VSNL1: variants seen among roughly 807,000 people sequenced by gnomAD.
The protein encoded by VSNL1 is visinin like 1, also known as visinin-like protein 1.
A neutral mutation model predicts 20.4 loss-of-function variants in VSNL1; 6 were observed. The ratio of observed to expected loss-of-function variants is 0.29; its 90% CI spans 0.16 to 0.58. VSNL1 has a LOEUF of 0.58. Ranked by LOEUF, VSNL1 falls within the 20% of genes least tolerant of loss-of-function variation. The pLI is 0.90. For synonymous variants in VSNL1, 93 were observed against 86.4 expected, an observed-to-expected ratio of 1.08 and a Z score of -0.42; for missense variants, 100 against 234.5, an observed-to-expected ratio of 0.43 and a Z score of 3.75.
chr2:17,566,201 T>C lies in VSNL1; in HGVS notation c.-6+25283T>C, dbSNP rs57011509. ...TTAGTTATCTTTTCTTTTTTTGCTA[T>C]TACAAAGTTAGAGTGTACATCTTTT... On this transcript the variant is annotated intron_variant, in intron 1 of 3. Transcript: ENST00000295156. Among the ~76,000 whole-genome samples, 395 of 152,324 alleles carry C rather than the reference T, an allele frequency of 2.6e-3. 1 individual carries two copies. Among genetic ancestry groups the C allele is most frequent in the African/African-American group, 9.2e-3 (382 of 41,584 alleles).
At chr2:17,556,469 C>T (rs1420144976) in intron 1 of VSNL1, among the ~76,000 whole-genome samples, 1 of 151,962 alleles carries the variant, frequency 6.6e-6, no homozygotes, top group African/African-American at 2.4e-5. Flanking sequence ...TAATTCAAAC[C>T]CCTACATCAG....
rs67537461 is a variant in VSNL1, at chr2:17,587,348, A to AACACACAC, written c.-5-4682_-5-4675dup. ...AGTAGGTAAGAGACAGGCTGAGGGCAACACACACACACACACACACACACA... is the reference window on the plus strand; with the variant it reads ...AGTAGGTAAGAGACAGGCTGAGGGCAACACACACACACACACACACACACACACACACA... On this transcript the variant is annotated intron_variant, in intron 1 of 3. Transcript: ENST00000295156. Among the ~76,000 whole-genome samples the AACACACAC allele has an allele frequency of 6.0e-3, 813 of 134,652 alleles. 11 individuals are homozygous for AACACACAC. The highest frequency in any genetic ancestry group is 0.019 in the African/African-American group (674 of 34,916). 88.3% of individuals were successfully genotyped at this position (134,652 alleles called of 152,430 possible). A position where few individuals can be genotyped will look rare whatever the true frequency, so the allele number is the denominator to read the frequency against.
intron 2 of VSNL1, 149 bp downstream of exon 2, chr2:17,592,385 A>C (rs1664610879): frequency 1.2e-6 from 1 of 862,288 alleles, no homozygotes; most frequent in African/African-American, 1.7e-5. Flanking sequence ...TTAACATTTA[A>C]AAATGCAAAT....
chr2:17,571,502 A>G (rs1664083245), intron 1 of VSNL1, among the ~76,000 whole-genome samples: 1 of 152,202 alleles, frequency 6.6e-6, no homozygotes, highest in Non-Finnish European at 1.5e-5. Context: ...TATGAAATGA[A>G]CACATTTATA....
chr2:17,645,211 T>G (rs532066362), intron 2 of VSNL1, among the ~76,000 whole-genome samples: 2 of 152,366 alleles, frequency 1.3e-5, no homozygotes, highest in East Asian at 3.9e-4. Flanking sequence ...AGAGGCATCC[T>G]CCGAAGTAGC....
chr2:17,607,487 A>G (rs564367859), intron 2 of VSNL1, among the ~76,000 whole-genome samples: 67 of 152,346 alleles, frequency 4.4e-4, no homozygotes, highest in Admixed American at 2.5e-3. Flanking sequence ...TGAGTAGGAG[A>G]GGCAGGTGTG....
chr2:17,619,778 C>T (rs1349061697), intron 2 of VSNL1, among the ~76,000 whole-genome samples: 1 of 151,884 alleles, frequency 6.6e-6, no homozygotes. Flanking sequence ...TATTCATTCA[C>T]TGAATAAAGA....
chr2:17,571,859 T>C (rs1209935519), intron 1 of VSNL1, among the ~76,000 whole-genome samples: 1 of 152,150 alleles, frequency 6.6e-6, no homozygotes, highest in African/African-American at 2.4e-5. Flanking sequence ...CAGGTCACAT[T>C]TGAGCAGTGA....
intron 2 of VSNL1, among the ~76,000 whole-genome samples, chr2:17,630,283 C>T (rs1417453248): frequency 6.6e-6 from 1 of 152,200 alleles, no homozygotes; most frequent in Non-Finnish European, 1.5e-5. Flanking sequence ...GGAATTTTAG[C>T]CCAGAGTGCC....
intron 1 of VSNL1, among the ~76,000 whole-genome samples, chr2:17,589,787 A>T (rs1485275246): frequency 6.6e-6 from 1 of 152,200 alleles, no homozygotes; most frequent in Non-Finnish European, 1.5e-5. Flanking sequence ...TTGAACTTCT[A>T]AAGGCACTTG....
intron 2 of VSNL1, among the ~76,000 whole-genome samples, chr2:17,632,255 A>C (rs530463311): frequency 2.0e-5 from 3 of 151,750 alleles, no homozygotes; most frequent in Non-Finnish European, 4.4e-5. Flanking sequence ...GAATCAATGA[A>C]CTCCTAGAAC....
intron 2 of VSNL1, among the ~76,000 whole-genome samples, chr2:17,636,679 G>A (rs1665757941): frequency 6.6e-6 from 1 of 151,948 alleles, no homozygotes; most frequent in Non-Finnish European, 1.5e-5. Flanking sequence ...ATTTCGATGT[G>A]TTTTGAATAT....
intron 1 of VSNL1, among the ~76,000 whole-genome samples, chr2:17,557,403 T>C (rs1438990782): frequency 1.3e-5 from 2 of 152,206 alleles, no homozygotes; most frequent in Admixed American, 6.5e-5. Flanking sequence ...AATCCCTGCC[T>C]TCATGGAGAT....
intron 2 of VSNL1, among the ~76,000 whole-genome samples, chr2:17,629,837 G>C (rs147136674): frequency 6.6e-6 from 1 of 152,336 alleles, no homozygotes; most frequent in African/African-American, 2.4e-5. Flanking sequence ...CAATGAAACA[G>C]CTCTCAGCTG....
chr2:17,654,989 AT>A (rs1485076004), intron 3 of VSNL1, among the ~76,000 whole-genome samples: 1 of 152,194 alleles, frequency 6.6e-6, no homozygotes. Context: ...CAAAGCAGTT[AT>A]TTTAATAAAG....
chr2:17,645,611 C>G (rs1232709816), intron 2 of VSNL1, among the ~76,000 whole-genome samples: 1 of 152,158 alleles, frequency 6.6e-6, no homozygotes, highest in African/African-American at 2.4e-5. Flanking sequence ...CATGCACCAC[C>G]TCTTAGAGGA....
chr2:17,648,916 G>A (rs944244710), intron 2 of VSNL1, among the ~76,000 whole-genome samples: 6 of 152,194 alleles, frequency 3.9e-5, no homozygotes, highest in Non-Finnish European at 8.8e-5. Flanking sequence ...ACCCAGGGAG[G>A]GGATAAGTGT....
At position 17,655,660 on chromosome 2, in the gene VSNL1, C is replaced by G. The variant is rs577276041; in HGVS notation, c.*266C>G. On this transcript the variant is annotated 3_prime_UTR_variant, in exon 4 of 4. Transcript: ENST00000295156. This position sits in a 1 kb window ranked among gnomAD's most constrained non-coding sequence, Gnocchi z 5.2. ...GTGTAATATCATTTCATAAAAATCC[C>G]TCTTCCTCCAAAGCCTGGGCAGAAA... 7 of 348,988 alleles carry G rather than the reference C, an allele frequency of 2.0e-5. No individual in the cohort carries two copies. The highest frequency in any genetic ancestry group is 1.3e-4 in the Admixed American group (3 of 22,610). 21.6% of individuals were successfully genotyped at this position (348,988 alleles called of 1,614,324 possible).
chr2:17,580,082 C>T (rs1664315511), intron 1 of VSNL1, among the ~76,000 whole-genome samples: 1 of 152,070 alleles, frequency 6.6e-6, no homozygotes, highest in South Asian at 2.1e-4. Context: ...GCTAACAATG[C>T]CAAGGTTTAT....
Sources: allele counts gnomAD v4.1 joint callset (sites outside exome capture counted in the v4.1 genomes callset), GRCh38; gene constraint gnomAD v4.1.1; non-coding constraint Gnocchi (gnomAD v3.1); transcripts MANE v1.5; gene names NCBI Gene and HGNC (gene_info 2026-07-23, HGNC 2026-07-21).